ARHGAP24: variants seen among roughly 807,000 people sequenced by gnomAD.
The protein encoded by ARHGAP24 is rho GTPase-activating protein 24.
In ARHGAP24, 50 loss-of-function variants were observed where a neutral mutation model predicts 76.4. The observed-to-expected ratio is 0.65, with a 90% CI of 0.52 to 0.83. The LOEUF (loss-of-function observed/expected upper bound fraction) is 0.83, where lower values mean the gene tolerates loss of function less well. ARHGAP24 is among the 40% of genes least tolerant of loss of function. The probability of loss-of-function intolerance (pLI) is 0.00; values close to 1 mark genes in which losing one functional copy is unlikely to be tolerated. For synonymous variants in ARHGAP24, 345 were observed against 323.3 expected (o/e 1.07, Z -0.72); for missense variants, 930 against 914.2 (o/e 1.02, Z -0.22).
At chr4:85,585,831 T>A (rs973287710) in intron 2 of ARHGAP24, among the ~76,000 whole-genome samples, 2 of 152,194 alleles carry the variant, frequency 1.3e-5, no homozygotes, top group Non-Finnish European at 2.9e-5. Context: ...TTTCCTACCT[T>A]TGGTTCCCCA....
chr4:85,802,452 C>G (rs1728616848), intron 3 of ARHGAP24, among the ~76,000 whole-genome samples: 1 of 152,158 alleles, frequency 6.6e-6, no homozygotes, highest in Non-Finnish European at 1.5e-5. Flanking sequence ...AAGAGCTGAA[C>G]TAGCACATGT....
intron 2 of ARHGAP24, among the ~76,000 whole-genome samples, chr4:85,605,882 T>C (rs953423475): frequency 6.6e-6 from 1 of 152,152 alleles, no homozygotes; most frequent in Non-Finnish European, 1.5e-5. Context: ...CAGGGAACAA[T>C]AGGGTTGGAG....
chr4:85,960,051 TA>T (rs1328164623), intron 5 of ARHGAP24, among the ~76,000 whole-genome samples: 1 of 152,216 alleles, frequency 6.6e-6, no homozygotes, highest in Non-Finnish European at 1.5e-5. Context: ...TGTATCCAGT[TA>T]AGTCAGCAAG....
At chr4:85,731,124 T>A (rs1442162013) in intron 3 of ARHGAP24, among the ~76,000 whole-genome samples, 1 of 151,566 alleles carries the variant, frequency 6.6e-6, no homozygotes, top group Non-Finnish European at 1.5e-5. Flanking sequence ...TTTTAATAAG[T>A]GGTAAAGCCA....
chr4:85,764,122 G>A (rs535431532), intron 3 of ARHGAP24, among the ~76,000 whole-genome samples: 2 of 151,958 alleles, frequency 1.3e-5, no homozygotes, highest in South Asian at 2.1e-4. Context: ...TACTAACAAT[G>A]AGAGTTTCTG....
chr4:85,586,219 G>A (rs756611391), intron 2 of ARHGAP24, among the ~76,000 whole-genome samples: 1 of 103,514 alleles, frequency 9.7e-6, no homozygotes, highest in Non-Finnish European at 2.6e-5. Context: ...ATGGAGACTT[G>A]GATTTGGGAT....
rs576645800 is a variant in ARHGAP24, at chr4:85,752,022, T to G, written c.268+30050T>G. Among the ~76,000 whole-genome samples the G allele has an allele frequency of 1.2e-4, 19 of 152,344 alleles. No individual in the cohort carries two copies. The South Asian group carries it at 3.9e-3, about 32-fold the overall frequency. On this transcript the variant is annotated intron_variant, in intron 3 of 9. Transcript: ENST00000395184. ...CTCCCTTGCTGCTGTGCTCTGAATA[T>G]TCAAACTATGGAGATGTGGCAAGGA... is the stretch of plus-strand genomic sequence containing the variant.
intron 3 of ARHGAP24, among the ~76,000 whole-genome samples, chr4:85,749,026 G>A (rs1026563139): frequency 6.6e-6 from 1 of 152,096 alleles, no homozygotes; most frequent in African/African-American, 2.4e-5. Flanking sequence ...CAGGCATACC[G>A]GATGGCTTTT....
chr4:85,955,134 G>C (rs1333395037), intron 5 of ARHGAP24, among the ~76,000 whole-genome samples: 13 of 152,160 alleles, frequency 8.5e-5, no homozygotes, highest in Admixed American at 8.5e-4. Flanking sequence ...CCAGAGCCCA[G>C]ATCTCTTTCT....
chr4:85,812,936 A>G (rs1320334164), intron 3 of ARHGAP24, among the ~76,000 whole-genome samples: 1 of 152,162 alleles, frequency 6.6e-6, no homozygotes, highest in African/African-American at 2.4e-5. Context: ...TTGAGGACCT[A>G]TCTTAGAACT....
chr4:85,860,826 T>C (rs1731850119), intron 3 of ARHGAP24, among the ~76,000 whole-genome samples: 1 of 152,080 alleles, frequency 6.6e-6, no homozygotes, highest in African/African-American at 2.4e-5. Context: ...GCAGGTTGTT[T>C]ATTAATATTA....
At chr4:85,494,822 GGC>G (rs1258164055) in intron 1 of ARHGAP24, among the ~76,000 whole-genome samples, 2 of 151,054 alleles carry the variant, frequency 1.3e-5, no homozygotes, top group African/African-American at 4.9e-5. Flanking sequence ...GACCTGGCCG[GGC>G]GCGATGGCTC....
chr4:85,949,774 A>G (rs1047484461), intron 5 of ARHGAP24, among the ~76,000 whole-genome samples: 1 of 152,218 alleles, frequency 6.6e-6, no homozygotes, highest in African/African-American at 2.4e-5. Context: ...AAGTAATGTT[A>G]TAGATATATA....
intron 1 of ARHGAP24, among the ~76,000 whole-genome samples, chr4:85,492,714 T>G (rs1723407947): frequency 6.6e-6 from 1 of 152,260 alleles, no homozygotes; most frequent in Non-Finnish European, 1.5e-5. Flanking sequence ...TTTTTAACTT[T>G]TTATTTCAAA....
chr4:85,952,119 A>G (rs1438077858), intron 5 of ARHGAP24, among the ~76,000 whole-genome samples: 3 of 152,190 alleles, frequency 2.0e-5, no homozygotes, highest in Non-Finnish European at 4.4e-5. Flanking sequence ...CTTTCTATAC[A>G]TAGCAGATAA....
chr4:85,759,855 A>G (rs1204210841), intron 3 of ARHGAP24, among the ~76,000 whole-genome samples: 1 of 152,184 alleles, frequency 6.6e-6, no homozygotes, highest in Non-Finnish European at 1.5e-5. Context: ...AAAACCTTGT[A>G]TGTTGCAACC....
intron 5 of ARHGAP24, among the ~76,000 whole-genome samples, chr4:85,969,277 T>C (rs114858685): frequency 3.8e-4 from 58 of 152,220 alleles, no homozygotes; most frequent in Non-Finnish European, 6.8e-4. Context: ...AAAAACAGTG[T>C]GTTTGGGAAT....
chr4:85,542,240 T>C (rs1220337096), intron 1 of ARHGAP24, among the ~76,000 whole-genome samples: 1 of 152,204 alleles, frequency 6.6e-6, no homozygotes, highest in Non-Finnish European at 1.5e-5. Flanking sequence ...AGCGTATAAG[T>C]AAGAATATCC....
intron 3 of ARHGAP24, among the ~76,000 whole-genome samples, chr4:85,751,078 CAT>C (rs1206363113): frequency 2.0e-5 from 3 of 152,186 alleles, no homozygotes; most frequent in African/African-American, 7.2e-5. Context: ...GATTTATAGA[CAT>C]ATATGTGTGT....
Sources: gnomAD v4.1 joint callset for allele counts (sites outside exome capture counted in the v4.1 genomes callset) on GRCh38, gnomAD v4.1.1 for gene constraint, MANE v1.5 for transcripts, NCBI Gene and HGNC (gene_info 2026-07-23, HGNC 2026-07-21) for gene names.